The following SLC2A4RG variants were observed in gnomAD, a reference collection of about 807,000 sequenced individuals.
The protein encoded by SLC2A4RG is SLC2A4 regulator, also known as GLUT4 enhancer factor.
SLC2A4RG carries 23 observed loss-of-function variants against 35.5 expected under a neutral mutation model. That is an observed-to-expected ratio of 0.65 (90% CI 0.47 to 0.92). The LOEUF (loss-of-function observed/expected upper bound fraction) is 0.92, where lower values mean the gene tolerates loss of function less well. SLC2A4RG is among the 40% of genes least tolerant of loss of function. SLC2A4RG has a pLI of 0.00. For synonymous variants in SLC2A4RG, 306 were observed against 243.7 expected (o/e 1.26, Z -2.38); for missense variants, 539 against 525.0 (o/e 1.03, Z -0.26).
At chr20:63,740,891 AG>A (rs1160420955) in intron 2 of SLC2A4RG, among the ~76,000 whole-genome samples, 1 of 151,998 alleles carries the variant, frequency 6.6e-6, no homozygotes, top group Non-Finnish European at 1.5e-5. Flanking sequence ...CTGCCAGGGC[AG>A]GGGCGGGCCC....
At chr20:63,741,195 G>A (rs1364115204) in intron 2 of SLC2A4RG, 175 bp from the exon 3 acceptor site, 8 of 610,328 alleles carry the variant, frequency 1.3e-5, no homozygotes, top group African/African-American at 5.6e-5. Flanking sequence ...TGGCGGCTCC[G>A]GGTGGCTTTC....
In SLC2A4RG at chr20:63,742,374, A is replaced by G. The variant is rs889133526; in HGVS notation, c.719A>G (p.Asp240Gly). 6.8e-6 allele frequency: 11 copies of G among 1,610,632 alleles called. No homozygotes were observed. Among genetic ancestry groups the G allele is most frequent in the African/African-American group, 1.3e-5 (1 of 74,884 alleles). ...AEPEQSDGEEDFYYTELDVGV... is the reference protein window; with the variant it reads ...AEPEQSDGEEGFYYTELDVGV... ...CCTGAGCAGAGTGATGGTGAGGAGGACTTCTACTACACAGAGCTGGATGTT... is the reference window on the plus strand; with the variant it reads ...CCTGAGCAGAGTGATGGTGAGGAGGGCTTCTACTACACAGAGCTGGATGTT... Residue 240 changes from aspartate to glycine, a missense_variant, in exon 6 of 8, where the codon GAC (aspartate) becomes GGC (glycine). By Grantham distance (94) the Asp-to-Gly change is moderately conservative. Transcript: ENST00000266077.
At chr20:63,740,837 A>G (rs536597750) in intron 2 of SLC2A4RG, among the ~76,000 whole-genome samples, 1 of 151,960 alleles carries the variant, frequency 6.6e-6, no homozygotes, top group East Asian at 1.9e-4. Flanking sequence ...GGGGCTCCTG[A>G]CCGCCACCTC....
In SLC2A4RG at chr20:63,743,016, T is replaced by C; in HGVS notation, c.*26T>C. On this transcript the variant is annotated 3_prime_UTR_variant, in exon 8 of 8. Coordinates refer to ENST00000266077, the MANE Select transcript of SLC2A4RG (RefSeq NM_020062.4). ...GTCCGGCTCGTTCAAGAACATAAGC[T>C]ACCACCTTCTCCCTCCCCACCCCCT... is the stretch of plus-strand genomic sequence containing the variant. 6 of 1,548,854 alleles carry C rather than the reference T, an allele frequency of 3.9e-6. No individual in the cohort carries two copies. Among genetic ancestry groups the C allele is most frequent in the Non-Finnish European group, 4.4e-6 (5 of 1,140,660 alleles).
rs945571790 is a variant in SLC2A4RG, at chr20:63,742,761, C to T, written c.1023C>T (p.Ala341=). 8.2e-6 allele frequency: 13 copies of T among 1,593,776 alleles called. No homozygotes were observed. In the African/African-American group the frequency reaches 1.5e-4, roughly 18 times the overall value. The part of the protein sequence containing the change: ...QPTEVGACPP[A]LSSRIGVTLR... ...CGGAGGTCGGAGCCTGCCCACCCGC[C>T]TTGTCCTCCAGGATCGGAGTCACCC... Residue 341 remains alanine (A), a synonymous_variant, in exon 7 of 8, where the codon GCC becomes GCT. Transcript: ENST00000266077.
intron 1 of SLC2A4RG, 163 bp downstream of exon 1, chr20:63,740,201 C>A: frequency 2.6e-6 from 1 of 382,274 alleles, no homozygotes; most frequent in Non-Finnish European, 3.6e-6. Flanking sequence ...GCCGGGCGGC[C>A]GGGGAGCCCT....
chr20:63,741,281 A>G, intron 2 of SLC2A4RG, 89 bp from the exon 3 acceptor site: 6 of 1,174,166 alleles, frequency 5.1e-6, no homozygotes, highest in South Asian at 2.5e-5. Flanking sequence ...CCTGGTGTGC[A>G]CGCGTGCCCA....
rs774136447 is a variant in SLC2A4RG at position 63,742,696 on chromosome 20, T to C, written c.961-3T>C. The C allele has an allele frequency of 5.6e-6, 9 of 1,598,110 alleles. No homozygotes were observed. Among genetic ancestry groups the C allele is most frequent in the Non-Finnish European group, 7.7e-6 (9 of 1,173,352 alleles). ...GTGAAGCCCTGGCTGTGTCTCCCTG[T>C]AGGGCTGCCTGACGCCCGCCCGCCT... On this transcript the variant is annotated splice_polypyrimidine_tract_variant and splice_region_variant and intron_variant, in intron 6 of 7. Transcript: ENST00000266077.
chr20:63,739,804 G>GGCC lies in SLC2A4RG; in HGVS notation c.-107_-105dup, dbSNP rs1178738139. On this transcript the variant is annotated 5_prime_UTR_variant, in exon 1 of 8. Coordinates refer to ENST00000266077, the MANE Select transcript of SLC2A4RG (RefSeq NM_020062.4). ...CTCCGGGCGGCGCGGCGCGGGCGGCGGCCGGATCCAGGGCGGGGGTCGGCG... is the reference window on the plus strand; with the variant it reads ...CTCCGGGCGGCGCGGCGCGGGCGGCGGCCGCCGGATCCAGGGCGGGGGTCGGCG... 4 of 971,624 alleles carry GGCC rather than the reference G, an allele frequency of 4.1e-6. No homozygotes were observed. Among genetic ancestry groups the GGCC allele is most frequent in the South Asian group, 9.5e-5 (2 of 21,128 alleles). The allele number at this position is 971,624 out of a possible 1,614,324, so 60.2% of individuals were successfully genotyped here.
chr20:63,742,991 G>A lies in SLC2A4RG; in HGVS notation c.*1G>A. 1 of 1,605,852 alleles carries A rather than the reference G, an allele frequency of 6.2e-7. No individual in the cohort carries two copies. The highest frequency in any genetic ancestry group is 8.5e-7 in the Non-Finnish European group (1 of 1,176,206). ...AGCCTGCCAGCGGTTCCTGGACTAAGTCCGGCTCGTTCAAGAACATAAGCT... is the reference window on the plus strand; with the variant it reads ...AGCCTGCCAGCGGTTCCTGGACTAAATCCGGCTCGTTCAAGAACATAAGCT... On this transcript the variant is annotated 3_prime_UTR_variant, in exon 8 of 8. Coordinates refer to ENST00000266077, the MANE Select transcript of SLC2A4RG (RefSeq NM_020062.4).
rs745605954 is a variant in SLC2A4RG at position 63,742,365 on chromosome 20, G to A, written c.710G>A (p.Gly237Asp). The A allele has an allele frequency of 6.2e-7, 1 of 1,610,512 alleles. No individual in the cohort carries two copies. The highest frequency in any genetic ancestry group is 1.7e-5 in the Admixed American group (1 of 59,872). ...GRQAEPEQSDGEEDFYYTELD... is the reference protein window; with the variant it reads ...GRQAEPEQSDDEEDFYYTELD... ...CAGGCAGAGCCTGAGCAGAGTGATG[G>A]TGAGGAGGACTTCTACTACACAGAG... The change falls in exon 6 of 8, where the codon GGT (glycine) becomes GAT (aspartate). Residue 237 changes from glycine (G) to aspartate (D), a missense_variant. Physicochemically the swap from Gly to Asp is moderately conservative, Grantham distance 94 (BLOSUM62 -1). Transcript: ENST00000266077.
chr20:63,743,322 T>G lies in SLC2A4RG; in HGVS notation c.*332T>G. On this transcript the variant is annotated 3_prime_UTR_variant, in exon 8 of 8. Coordinates refer to ENST00000266077, the MANE Select transcript of SLC2A4RG (RefSeq NM_020062.4). ...TATCAAGGGTGTTATGGGCCCAGCT[T>G]TGGGGGGCCAGTCCCGATGCACTTT... 1 of 220,126 alleles carries G rather than the reference T, an allele frequency of 4.5e-6. No homozygotes were observed. Among genetic ancestry groups the G allele is most frequent in the Non-Finnish European group, 9.2e-6 (1 of 109,166 alleles). The allele number at this position is 220,126 out of a possible 1,614,324, so 13.6% of individuals were successfully genotyped here.
At chr20:63,740,292 C>T in intron 1 of SLC2A4RG, 85 bp from the exon 2 acceptor site, 3 of 926,132 alleles carry the variant, frequency 3.2e-6, no homozygotes, top group Non-Finnish European at 2.8e-6. Flanking sequence ...TCGAGGCGGG[C>T]GCCGAGCGGA....
In SLC2A4RG at chr20:63,740,057, C is replaced by G. The variant is rs1043814802; in HGVS notation, c.126+19C>G. 5 of 963,250 alleles carry G rather than the reference C, an allele frequency of 5.2e-6. No individual in the cohort carries two copies. In the African/African-American group the frequency reaches 8.9e-5, roughly 17 times the overall value. The allele number at this position is 963,250 out of a possible 1,614,324, so 59.7% of individuals were successfully genotyped here. On this transcript the variant is annotated intron_variant, in intron 1 of 7. Transcript: ENST00000266077. ...GCCGCAGGTACCGGGCGCCGGTGGGCGGGGGCGCCGACCAAGTTTCTCTCG... is the reference window on the plus strand; with the variant it reads ...GCCGCAGGTACCGGGCGCCGGTGGGGGGGGGCGCCGACCAAGTTTCTCTCG...
Position 63,742,157 on chromosome 20 carries a change from CTG to C in SLC2A4RG, c.610_611del (p.Trp204GlufsTer29). ...CCCGGCCCAGGTCATGTTCCAGTGT[CTG>C]TGGAAGAGCTGCGGGAAGGTGCTGA... ...KSPAQVMFQC[L>X]WKSCGKVLST... is the part of the protein sequence containing the mutation. On this transcript the variant is annotated frameshift_variant, in exon 5 of 8. Transcript: ENST00000266077. LOFTEE classifies it high-confidence loss of function. 6.2e-7 allele frequency: 1 copy of C among 1,605,400 alleles called. No homozygotes were observed. Among genetic ancestry groups the C allele is most frequent in the Non-Finnish European group, 8.5e-7 (1 of 1,176,450 alleles).
intron 2 of SLC2A4RG, 198 bp from the exon 3 acceptor site, chr20:63,741,172 C>G: frequency 3.4e-6 from 2 of 592,024 alleles, no homozygotes; most frequent in South Asian, 4.0e-5. Context: ...TCAGGAGACC[C>G]TGGCCCTGCT....
chr20:63,744,040 TAAGAA>T lies in SLC2A4RG; in HGVS notation c.*1054_*1058del, dbSNP rs1454909126. The T allele has an allele frequency of 6.6e-6, 1 of 152,454 alleles. No homozygotes were observed. Among genetic ancestry groups the T allele is most frequent in the African/African-American group, 2.4e-5 (1 of 41,402 alleles). 9.4% of individuals were successfully genotyped at this position (152,454 alleles called of 1,614,324 possible). Reference sequence around the variant, plus strand: ...AAGCATGTTGAAAAAAATAAATATTTAAGAAAAGCACACACAGCACCCTCACTACA... The same window carrying T: ...AAGCATGTTGAAAAAAATAAATATTTAAGCACACACAGCACCCTCACTACA... On this transcript the variant is annotated 3_prime_UTR_variant, in exon 8 of 8. Transcript: ENST00000266077.
chr20:63,742,613 C>A lies in SLC2A4RG; in HGVS notation c.958C>A (p.Gln320Lys). ...PQSCHSDRVY[Q>K]GCLTPARLEP... ...GTCCTGTCACAGTGACCGTGTCTACCAGGTGGGTGAGGCCACGGGTGGCAG... is the reference window on the plus strand; with the variant it reads ...GTCCTGTCACAGTGACCGTGTCTACAAGGTGGGTGAGGCCACGGGTGGCAG... Residue 320 changes from glutamine (Q) to lysine (K), a missense_variant and splice_region_variant, in exon 6 of 8, where the codon CAG becomes AAG. By Grantham distance (53) the Gln-to-Lys change is moderately conservative. Transcript: ENST00000266077. 6.3e-7 allele frequency: 1 copy of A among 1,576,250 alleles called. No individual in the cohort carries two copies. The highest frequency in any genetic ancestry group is 8.6e-7 in the Non-Finnish European group (1 of 1,156,392).
At chr20:63,740,557 G>A in intron 2 of SLC2A4RG, 26 bp downstream of exon 2, 1 of 1,228,416 alleles carries the variant, frequency 8.1e-7, no homozygotes, top group Non-Finnish European at 1.0e-6. Flanking sequence ...GGTGCCTCGG[G>A]ACTCGGTGTG....
Sources: gnomAD v4.1 joint callset for allele counts (sites outside exome capture counted in the v4.1 genomes callset) on GRCh38, gnomAD v4.1.1 for gene constraint, MANE v1.5 for transcripts, NCBI Gene and HGNC (gene_info 2026-07-23, HGNC 2026-07-21) for gene names.